Variants in ACTR3C observed in about 807,000 individuals in gnomAD.
ACTR3C encodes the protein actin related protein 3C.
A neutral mutation model predicts 26.3 loss-of-function variants in ACTR3C; 18 were observed. That is an observed-to-expected ratio of 0.68 (90% confidence interval 0.47 to 1.01). ACTR3C has a LOEUF of 1.01. ACTR3C is among the 50% of genes least tolerant of loss of function. The pLI is 0.00. For missense variants in ACTR3C, 184 were observed against 250.7 expected, an observed-to-expected ratio of 0.73 and a Z score of 1.80; for synonymous variants, 55 against 94.5, an observed-to-expected ratio of 0.58 and a Z score of 2.42.
chr7:150,206,702 G>A, the ACTR3C span, among the ~76,000 whole-genome samples: 12 of 152,226 alleles, frequency 7.9e-5, no homozygotes, highest in African/African-American at 2.4e-4. Context: ...AATTATAGGC[G>A]TGAGCCACCG....
the ACTR3C span, among the ~76,000 whole-genome samples, chr7:150,039,794 T>A: frequency 3.3e-5 from 4 of 122,994 alleles, no homozygotes; most frequent in South Asian, 1.1e-3. Flanking sequence ...GAAGAGGGAC[T>A]GGCTCTCAGT....
chr7:150,254,044 C>T (rs1209140427), intron 6 of ACTR3C, among the ~76,000 whole-genome samples: 5 of 152,168 alleles, frequency 3.3e-5, no homozygotes, highest in Non-Finnish European at 2.9e-5. Flanking sequence ...ATGTTCTCCA[C>T]TTAAATGTGT....
chr7:149,908,011 T>C, the ACTR3C span, among the ~76,000 whole-genome samples: 3 of 151,536 alleles, frequency 2.0e-5, no homozygotes, highest in African/African-American at 4.9e-5. Context: ...TATTTGGAGA[T>C]GAAACTTTTA....
the ACTR3C span, among the ~76,000 whole-genome samples, chr7:150,209,104 A>T: frequency 0.049 from 7,311 of 149,180 alleles, 604 homozygotes; most frequent in African/African-American, 0.18. Context: ...AGGGAAAAGA[A>T]AAATTTAAAA....
At chr7:149,907,483 T>TCTCTCTCTCTCTCTCTCC in the ACTR3C span, among the ~76,000 whole-genome samples, 3 of 43,854 alleles carry the variant, frequency 6.8e-5, no homozygotes, top group African/African-American at 2.0e-4. Flanking sequence ...TTCTCTTCTC[T>TCTCTCTCTCTCTCTCTCC]CTCTCTCTCT....
chr7:150,318,018 A>C (rs1480882983), intron 1 of ACTR3C, among the ~76,000 whole-genome samples: 1 of 152,196 alleles, frequency 6.6e-6, no homozygotes, highest in Non-Finnish European at 1.5e-5. Context: ...GGAGGTTGCA[A>C]GAAAATGGGG....
chr7:149,983,895 G>A, the ACTR3C span, among the ~76,000 whole-genome samples: 1 of 152,100 alleles, frequency 6.6e-6, no homozygotes, highest in East Asian at 1.9e-4. Flanking sequence ...AACCCTACAT[G>A]GTTCCACTTC....
At chr7:150,189,765 T>C in the ACTR3C span, among the ~76,000 whole-genome samples, 4 of 118,228 alleles carry the variant, frequency 3.4e-5, no homozygotes. Flanking sequence ...TAGTACTCAA[T>C]TGTACGGATA....
At chr7:150,003,336 G>A in the ACTR3C span, among the ~76,000 whole-genome samples, 24 of 145,230 alleles carry the variant, frequency 1.7e-4, no homozygotes, top group African/African-American at 4.5e-4. Context: ...GTATGATGTC[G>A]TATGTGGAAT....
the ACTR3C span, among the ~76,000 whole-genome samples, chr7:150,010,933 A>C: frequency 6.8e-6 from 1 of 147,244 alleles, no homozygotes; most frequent in Non-Finnish European, 1.5e-5. Flanking sequence ...TTATGGGTAA[A>C]GTCAGTCCTG....
chr7:150,270,553 C>T (rs1367833109), intron 6 of ACTR3C, among the ~76,000 whole-genome samples: 1 of 150,844 alleles, frequency 6.6e-6, no homozygotes, highest in African/African-American at 2.5e-5. Flanking sequence ...GGCATCCACA[C>T]CTGCAGACCT....
chr7:150,165,213 C>A, the ACTR3C span, among the ~76,000 whole-genome samples: 1 of 152,176 alleles, frequency 6.6e-6, no homozygotes, highest in African/African-American at 2.4e-5. Flanking sequence ...TTACACTTTT[C>A]ATTTTGACTT....
the ACTR3C span, among the ~76,000 whole-genome samples, chr7:150,127,011 A>G: frequency 1.6e-4 from 25 of 152,344 alleles, no homozygotes; most frequent in Admixed American, 1.2e-3. Context: ...TCCTGAATAC[A>G]TTACACATTA....
chr7:150,095,039 C>T, the ACTR3C span, among the ~76,000 whole-genome samples: 33 of 145,374 alleles, frequency 2.3e-4, 1 homozygote, highest in Non-Finnish European at 4.0e-4. Flanking sequence ...GCCTCCTGGG[C>T]GATGTCACCT....
At chr7:150,010,169 A>G in the ACTR3C span, among the ~76,000 whole-genome samples, 98,849 of 148,768 alleles carry the variant, frequency 0.66, 32,438 homozygotes, top group East Asian at 0.88. Context: ...GCCTCATTCG[A>G]GCTGTTCCTT....
the ACTR3C span, among the ~76,000 whole-genome samples, chr7:150,195,002 G>A: frequency 6.6e-6 from 1 of 151,902 alleles, no homozygotes; most frequent in African/African-American, 2.4e-5. Flanking sequence ...GCTGAGGCAG[G>A]AGAATTGTTT....
the ACTR3C span, among the ~76,000 whole-genome samples, chr7:149,900,654 A>C: frequency 4.4e-3 from 674 of 152,314 alleles, 5 homozygotes; most frequent in Middle Eastern, 0.017. Context: ...GCGTTTTCTA[A>C]ATTATGTCTG....
chr7:150,034,795 C>G, the ACTR3C span, among the ~76,000 whole-genome samples: 2 of 150,734 alleles, frequency 1.3e-5, no homozygotes, highest in African/African-American at 4.9e-5. Flanking sequence ...GAGGGTCTGG[C>G]TCTCAGTCCC....
chr7:150,291,654 T>C (rs1423129142), intron 3 of ACTR3C, among the ~76,000 whole-genome samples: 1 of 152,160 alleles, frequency 6.6e-6, no homozygotes, highest in Non-Finnish European at 1.5e-5. Flanking sequence ...AAATGTATTT[T>C]CTTTCCTTTT....
Sources: gnomAD v4.1 joint callset for allele counts (sites outside exome capture counted in the v4.1 genomes callset) on GRCh38, gnomAD v4.1.1 for gene constraint, MANE v1.5 for transcripts, NCBI Gene and HGNC (gene_info 2026-07-23, HGNC 2026-07-21) for gene names.